Variants in PCCB observed in about 807,000 individuals in gnomAD.
The protein encoded by PCCB is propionyl-CoA carboxylase subunit beta.
PCCB carries 43 observed loss-of-function variants against 60.7 expected under a neutral mutation model. The ratio of observed to expected loss-of-function variants is 0.71; its 90% confidence interval spans 0.55 to 0.91. PCCB has a LOEUF of 0.91. PCCB is among the 40% of genes least tolerant of loss of function. The pLI, the probability that PCCB is intolerant of heterozygous loss-of-function variation, is 0.00. For synonymous variants in PCCB, 276 were observed against 255.9 expected (o/e 1.08, Z -0.75); for missense variants, 766 against 702.8 (o/e 1.09, Z -1.02).
intron 5 of PCCB, among the ~76,000 whole-genome samples, chr3:136,266,550 G>A (rs1355925332): frequency 2.0e-5 from 3 of 152,158 alleles, no homozygotes; most frequent in African/African-American, 7.2e-5. Flanking sequence ...ACCTCCCAAA[G>A]TGTTGGAATT....
chr3:136,299,478 GTGTA>G (rs558814963), intron 8 of PCCB, among the ~76,000 whole-genome samples: 177 of 149,500 alleles, frequency 1.2e-3, no homozygotes, highest in African/African-American at 3.9e-3. Flanking sequence ...AGGTATGCAT[GTGTA>G]TGTATGTATA....
intron 5 of PCCB, among the ~76,000 whole-genome samples, chr3:136,273,597 C>CTTTTTTTTTTTTTTTTT: frequency 1.1e-3 from 49 of 45,232 alleles, no homozygotes; most frequent in African/African-American, 1.4e-3. Flanking sequence ...TTTCTTTTTT[C>CTTTTTTTTTTTTTTTTT]TTTTTTTTTT....
intron 11 of PCCB, 65 bp from the exon 12 acceptor site, chr3:136,327,090 G>C: frequency 1.4e-6 from 2 of 1,465,170 alleles, no homozygotes; most frequent in Non-Finnish European, 1.9e-6. Context: ...AGACCTCACA[G>C]CTGAGAGTGG....
At position 136,327,171 on chromosome 3, in the gene PCCB, C is replaced by T. The variant is rs191375566; in HGVS notation, c.1215C>T (p.Tyr405=). The part of the protein sequence containing the change: ...PGFLPGTAQE[Y]GGIIRHGAKL... ...CATGTCTAGGCACAGCACAGGAATA[C>T]GGGGGCATCATCCGGCATGGTGCCA... Residue 405 remains tyrosine, a synonymous_variant, in exon 12 of 15, where the codon TAC becomes TAT. Coordinates refer to ENST00000251654, the MANE Select transcript of PCCB (RefSeq NM_000532.5). 230 of 1,613,658 alleles carry T rather than the reference C, an allele frequency of 1.4e-4. No individual in the cohort carries two copies. Among genetic ancestry groups the T allele is most frequent in the Non-Finnish European group, 1.9e-4 (221 of 1,179,702 alleles).
rs200423272 is a variant in PCCB, at chr3:136,303,989, C to T, written c.966+2878C>T. ...AGCTTAAACAACAGAAATTTATTTT[C>T]TGTCAGTTCTGGAGGCTAGAAGTCC... On this transcript the variant is annotated intron_variant, in intron 9 of 14. Coordinates refer to ENST00000251654, the MANE Select transcript of PCCB (RefSeq NM_000532.5). Among the ~76,000 whole-genome samples, 2 of 121,492 alleles carry T rather than the reference C, an allele frequency of 1.6e-5. 1 individual carries two copies. The highest frequency in any genetic ancestry group is 3.7e-5 in the Non-Finnish European group (2 of 54,554). The allele number at this position is 121,492 out of a possible 152,430, so 79.7% of individuals were successfully genotyped here.
chr3:136,295,105 A>G (rs928366383), intron 7 of PCCB, among the ~76,000 whole-genome samples: 4 of 152,216 alleles, frequency 2.6e-5, no homozygotes, highest in Non-Finnish European at 5.9e-5. Flanking sequence ...GTTTTCCTGT[A>G]AAAGAAACCA....
At chr3:136,295,876 T>C (rs1330935448) in intron 7 of PCCB, among the ~76,000 whole-genome samples, 3 of 151,976 alleles carry the variant, frequency 2.0e-5, no homozygotes, top group African/African-American at 7.3e-5. Flanking sequence ...GTAATGAATG[T>C]CTGCCCATGA....
chr3:136,298,112 G>A (rs1436589142), intron 8 of PCCB, 40 bp downstream of exon 8: 1 of 1,613,376 alleles, frequency 6.2e-7, no homozygotes, highest in African/African-American at 1.3e-5. Flanking sequence ...ATTTTGCAGT[G>A]TAGCTTGCCT....
chr3:136,288,980 T>G (rs1183680628), intron 6 of PCCB, among the ~76,000 whole-genome samples: 1 of 152,068 alleles, frequency 6.6e-6, no homozygotes, highest in African/African-American at 2.4e-5. Flanking sequence ...TTTTTTTATT[T>G]TTGTAGAGAC....
chr3:136,323,818 A>AAC (rs1553783898), intron 10 of PCCB, among the ~76,000 whole-genome samples: 7 of 151,998 alleles, frequency 4.6e-5, no homozygotes, highest in African/African-American at 1.4e-4. Context: ...AAAAAAAAAA[A>AAC]AAAAACCCAC....
At chr3:136,288,969 A>G (rs1250925479) in intron 6 of PCCB, among the ~76,000 whole-genome samples, 1 of 151,774 alleles carries the variant, frequency 6.6e-6, no homozygotes, top group Non-Finnish European at 1.5e-5. Flanking sequence ...TGCCTGGCCA[A>G]TTTTTTTATT....
intron 7 of PCCB, among the ~76,000 whole-genome samples, chr3:136,297,115 A>C (rs1270503788): frequency 6.6e-6 from 1 of 152,176 alleles, no homozygotes; most frequent in Non-Finnish European, 1.5e-5. Context: ...TTAGGAGCTG[A>C]GCAGATTTTA....
chr3:136,279,828 T>A (rs6785225), intron 5 of PCCB, among the ~76,000 whole-genome samples: 1 of 151,758 alleles, frequency 6.6e-6, no homozygotes, highest in Non-Finnish European at 1.5e-5. Flanking sequence ...CCACCATGCC[T>A]GGCTAATTTT....
intron 8 of PCCB, among the ~76,000 whole-genome samples, chr3:136,299,638 A>G (rs1354120288): frequency 2.9e-5 from 3 of 102,768 alleles, no homozygotes; most frequent in East Asian, 5.6e-4. Flanking sequence ...ATGCATGTGT[A>G]TGTATGTATA....
chr3:136,252,743 T>G (rs1941552142), intron 1 of PCCB, among the ~76,000 whole-genome samples: 1 of 150,320 alleles, frequency 6.7e-6, no homozygotes, highest in Non-Finnish European at 1.5e-5. Flanking sequence ...GCTCAAGCAG[T>G]CCTCCCACCT....
At chr3:136,316,567 C>T (rs1024799267) in intron 9 of PCCB, among the ~76,000 whole-genome samples, 2 of 152,150 alleles carry the variant, frequency 1.3e-5, no homozygotes, top group Non-Finnish European at 2.9e-5. Context: ...CCACCTGCCT[C>T]GACCTCCCAA....
intron 10 of PCCB, among the ~76,000 whole-genome samples, chr3:136,320,344 T>C (rs1264367311): frequency 6.6e-6 from 1 of 152,212 alleles, no homozygotes; most frequent in Non-Finnish European, 1.5e-5. Flanking sequence ...TGTCTTTCCA[T>C]TTTTCTTCTT....
intron 9 of PCCB, 112 bp downstream of exon 9, chr3:136,301,223 C>T (rs984607281): frequency 4.8e-6 from 4 of 827,236 alleles, no homozygotes; most frequent in African/African-American, 1.7e-5. Flanking sequence ...TCAGACAGCA[C>T]AGGTCGGGAA....
chr3:136,315,338 A>G (rs921072543), intron 9 of PCCB, among the ~76,000 whole-genome samples: 1 of 151,462 alleles, frequency 6.6e-6, no homozygotes, highest in Non-Finnish European at 1.5e-5. Flanking sequence ...GATCGAGACT[A>G]TTCTGACCAA....
Sources: gnomAD v4.1 joint callset for allele counts (sites outside exome capture counted in the v4.1 genomes callset) on GRCh38, gnomAD v4.1.1 for gene constraint, MANE v1.5 for transcripts, NCBI Gene and HGNC (gene_info 2026-07-23, HGNC 2026-07-21) for gene names.